The following KLF7 variants were observed in gnomAD, a reference collection of about 807,000 sequenced individuals.
KLF7 encodes the protein Krueppel-like factor 7.
Under a neutral mutation model 27.3 loss-of-function variants are expected in KLF7, and 2 were observed. That is an observed-to-expected ratio of 0.07 (90% CI 0.03 to 0.23). The LOEUF is 0.23. Among genes scored for constraint, KLF7 ranks in the 10% least tolerant of loss-of-function variants. The pLI is 1.00. For missense variants in KLF7, 221 were observed against 394.1 expected, an observed-to-expected ratio of 0.56 and a Z score of 3.72; for synonymous variants, 165 against 162.4, an observed-to-expected ratio of 1.02 and a Z score of -0.12.
chr2:207,170,150 A>G (rs953645493), upstream of KLF7, among the ~76,000 whole-genome samples: 1 of 152,186 alleles, frequency 6.6e-6, no homozygotes, highest in Non-Finnish European at 1.5e-5. Flanking sequence ...TGCTACTCCA[A>G]TAAACACACA....
chr2:207,080,415 C>T lies in KLF7; in HGVS notation c.*798G>A, dbSNP rs2076246732. The T allele has an allele frequency of 6.3e-6, 1 of 158,982 alleles. No homozygotes were observed. Among genetic ancestry groups the T allele is most frequent in the African/African-American group, 2.4e-5 (1 of 41,758 alleles). The allele number at this position is 158,982 out of a possible 1,614,324, so 9.8% of individuals were successfully genotyped here. On this transcript the variant is annotated 3_prime_UTR_variant, in exon 4 of 4. Coordinates refer to ENST00000309446, the MANE Select transcript of KLF7 (RefSeq NM_003709.4). Reference sequence around the variant, plus strand: ...CACTTTGCAGTCATGCTAGAAGTTTCCAGAATCCCTAGTGCATATGGTGTG... The same window carrying T: ...CACTTTGCAGTCATGCTAGAAGTTTTCAGAATCCCTAGTGCATATGGTGTG...
At chr2:207,089,864 C>T (rs1403983535) in intron 2 of KLF7, among the ~76,000 whole-genome samples, 1 of 152,192 alleles carries the variant, frequency 6.6e-6, no homozygotes, top group Non-Finnish European at 1.5e-5. Context: ...CTCAAAGTTT[C>T]AGGATACCTA....
intron 1 of KLF7, among the ~76,000 whole-genome samples, chr2:207,145,574 T>C (rs915035533): frequency 6.6e-6 from 1 of 152,216 alleles, no homozygotes; most frequent in Non-Finnish European, 1.5e-5. Flanking sequence ...CTGTAAACTT[T>C]CAGGAAAAGT....
chr2:207,079,215 G>A lies in KLF7; in HGVS notation c.*1998C>T, dbSNP rs757120255. 2 of 152,124 alleles carry A rather than the reference G, an allele frequency of 1.3e-5. No individual in the cohort carries two copies. Among genetic ancestry groups the A allele is most frequent in the African/African-American group, 4.8e-5 (2 of 41,414 alleles). 9.4% of individuals were successfully genotyped at this position (152,124 alleles called of 1,614,324 possible). A position where few individuals can be genotyped will look rare whatever the true frequency, so the allele number is the denominator to read the frequency against. ...TGAGGAGGTTCCTTTGCCCTCAGACGAGTAGTTTCAACATTTCAGTGAAAA... is the reference window on the plus strand; with the variant it reads ...TGAGGAGGTTCCTTTGCCCTCAGACAAGTAGTTTCAACATTTCAGTGAAAA... On this transcript the variant is annotated 3_prime_UTR_variant, in exon 4 of 4. Coordinates refer to ENST00000309446, the MANE Select transcript of KLF7 (RefSeq NM_003709.4).
In KLF7 at chr2:207,123,761, C is replaced by T; in HGVS notation, c.733+13G>A. The T allele has an allele frequency of 6.2e-7, 1 of 1,604,622 alleles. No homozygotes were observed. Among genetic ancestry groups the T allele is most frequent in the Non-Finnish European group, 8.5e-7 (1 of 1,174,966 alleles). On this transcript the variant is annotated intron_variant, in intron 2 of 3. Coordinates refer to ENST00000309446, the MANE Select transcript of KLF7 (RefSeq NM_003709.4). ...GAAAGAAGAAACCACGTGCGGCCAA[C>T]TTGTACCACTACCTGTGTGAGTCCT...
At chr2:207,096,192 A>G (rs997001551) in intron 2 of KLF7, among the ~76,000 whole-genome samples, 2 of 152,326 alleles carry the variant, frequency 1.3e-5, no homozygotes, top group South Asian at 4.1e-4. Context: ...CTAGGGGAGG[A>G]AGGACTCAGT....
intron 2 of KLF7, among the ~76,000 whole-genome samples, chr2:207,108,165 T>A (rs1420745636): frequency 6.6e-6 from 1 of 152,110 alleles, no homozygotes; most frequent in Admixed American, 6.5e-5. Flanking sequence ...TCTTTTTGGA[T>A]AAGGTGCACA....
intron 2 of KLF7, among the ~76,000 whole-genome samples, chr2:207,100,086 G>A (rs768481752): frequency 6.6e-6 from 1 of 152,182 alleles, no homozygotes; most frequent in East Asian, 1.9e-4. Flanking sequence ...GCAGTAAGCT[G>A]TGGTTGCACC....
At chr2:207,126,599 A>C (rs576915980) in intron 1 of KLF7, among the ~76,000 whole-genome samples, 1 of 152,306 alleles carries the variant, frequency 6.6e-6, no homozygotes, top group Non-Finnish European at 1.5e-5. Flanking sequence ...TTTTAGGTAA[A>C]AATCAGTATG....
intron 2 of KLF7, among the ~76,000 whole-genome samples, chr2:207,116,049 G>A (rs1210513281): frequency 6.6e-6 from 1 of 152,164 alleles, no homozygotes; most frequent in Non-Finnish European, 1.5e-5. Flanking sequence ...AACAAGTTTG[G>A]CCAGGGCTAT....
Position 207,124,280 on chromosome 2 carries a change from C to A in KLF7, c.227G>T (p.Arg76Leu). The A allele has an allele frequency of 1.2e-6, 2 of 1,613,976 alleles. No individual in the cohort carries two copies. Among genetic ancestry groups the A allele is most frequent in the Non-Finnish European group, 1.7e-6 (2 of 1,179,988 alleles). Reference protein sequence around the residue: ...PPPCIEESFRRLDPLLLPVEA... With the variant: ...PPPCIEESFRLLDPLLLPVEA... The stretch of plus-strand genomic sequence containing the variant: ...CACGGGGAGCAGCAGGGGGTCTAAG[C>A]GACGGAAGCTTTCCTCAATGCACGG... Residue 76 changes from arginine to leucine, a missense_variant, in exon 2 of 4, where the codon CGC (arginine) becomes CTC (leucine). Arg to Leu is a moderately radical substitution (Grantham distance 102). Transcript: ENST00000309446.
chr2:207,164,327 C>G (rs559381218), intron 1 of KLF7, among the ~76,000 whole-genome samples: 25 of 152,274 alleles, frequency 1.6e-4, no homozygotes, highest in East Asian at 3.9e-4. Flanking sequence ...CAGCCCTCCC[C>G]CCAAGGGCAA....
chr2:207,162,910 C>T (rs893113378), intron 1 of KLF7, among the ~76,000 whole-genome samples: 1 of 152,168 alleles, frequency 6.6e-6, no homozygotes, highest in Non-Finnish European at 1.5e-5. Flanking sequence ...AATCTGATTA[C>T]CCCAGAGCAT....
chr2:207,097,868 G>C (rs1423236706), intron 2 of KLF7, among the ~76,000 whole-genome samples: 2 of 152,108 alleles, frequency 1.3e-5, no homozygotes, highest in African/African-American at 2.4e-5. Context: ...AATTAAAAAT[G>C]TATGCAGTCT....
chr2:207,095,308 A>G (rs1024586417), intron 2 of KLF7, among the ~76,000 whole-genome samples: 1 of 152,108 alleles, frequency 6.6e-6, no homozygotes, highest in East Asian at 1.9e-4. Flanking sequence ...TCGGCCTCCC[A>G]AAGTGCTGGG....
chr2:207,143,184 T>C lies in KLF7; in HGVS notation c.103-18780A>G, dbSNP rs570986322. Among the ~76,000 whole-genome samples, 8 of 152,166 alleles carry C rather than the reference T, an allele frequency of 5.3e-5. No homozygotes were observed. The South Asian group carries it at 1.5e-3, about 28-fold the overall frequency. On this transcript the variant is annotated intron_variant, in intron 1 of 3. Coordinates refer to ENST00000309446, the MANE Select transcript of KLF7 (RefSeq NM_003709.4). ...CTATCAAAAAAAATCTTAGCTAAAA[T>C]ACAATGCCACTGGATTAAGCACAGA...
chr2:207,144,846 T>C (rs2078052213), intron 1 of KLF7, among the ~76,000 whole-genome samples: 1 of 152,216 alleles, frequency 6.6e-6, no homozygotes, highest in African/African-American at 2.4e-5. Context: ...TTCTGGCGTT[T>C]GATTCTAGAT....
intron 1 of KLF7, among the ~76,000 whole-genome samples, chr2:207,124,968 C>T (rs1268355336): frequency 2.0e-5 from 3 of 152,168 alleles, no homozygotes; most frequent in African/African-American, 7.2e-5. Flanking sequence ...GATTCCATAA[C>T]CAGCAGGAAA....
At chr2:207,129,002 G>A (rs1224613440) in intron 1 of KLF7, among the ~76,000 whole-genome samples, 1 of 152,152 alleles carries the variant, frequency 6.6e-6, no homozygotes, top group East Asian at 1.9e-4. Flanking sequence ...TAATTTCCTG[G>A]TTCTTATAAT....
Sources: gnomAD v4.1 joint callset for allele counts (sites outside exome capture counted in the v4.1 genomes callset) on GRCh38, gnomAD v4.1.1 for gene constraint, MANE v1.5 for transcripts, NCBI Gene and HGNC (gene_info 2026-07-23, HGNC 2026-07-21) for gene names.